The following LRRTM4 variants were observed in gnomAD, a reference collection of about 807,000 sequenced individuals.
LRRTM4 encodes the protein leucine-rich repeat transmembrane neuronal protein 4.
A neutral mutation model predicts 47.6 loss-of-function variants in LRRTM4; 25 were observed. The observed-to-expected ratio is 0.53, with a 90% CI of 0.38 to 0.73. The LOEUF is 0.73. Among genes scored for constraint, LRRTM4 ranks in the 30% least tolerant of loss-of-function variants. LRRTM4 has a pLI of 0.00. For synonymous variants in LRRTM4, 311 were observed against 269.5 expected (o/e 1.15, Z -1.51); for missense variants, 638 against 713.4 (o/e 0.89, Z 1.20).
intron 3 of LRRTM4, among the ~76,000 whole-genome samples, chr2:77,510,477 T>C (rs1318260940): frequency 6.6e-6 from 1 of 152,088 alleles, no homozygotes; most frequent in Non-Finnish European, 1.5e-5. Context: ...TAAACAACAA[T>C]TGTTATACTT....
At chr2:77,050,799 A>C (rs1385459558) in intron 3 of LRRTM4, among the ~76,000 whole-genome samples, 1 of 152,150 alleles carries the variant, frequency 6.6e-6, no homozygotes, top group Non-Finnish European at 1.5e-5. Flanking sequence ...ATTTCATAGG[A>C]TTGAGTATTA....
At chr2:77,364,224 G>A (rs1378430198) in intron 3 of LRRTM4, among the ~76,000 whole-genome samples, 1 of 151,884 alleles carries the variant, frequency 6.6e-6, no homozygotes, top group East Asian at 1.9e-4. Flanking sequence ...AGCAGGACAA[G>A]TGGCTTCTGA....
At position 77,040,538 on chromosome 2, in the gene LRRTM4, TA is replaced by T; in HGVS notation, c.1552-291623del. ...TGATAGCCCTACTCATAAGTGCTAG[TA>T]AACAGTAGGCTTCTCAGTAGAGCAA... is the stretch of plus-strand genomic sequence containing the variant. On this transcript the variant is annotated intron_variant, in intron 3 of 3. Transcript: ENST00000409884. Among the ~76,000 whole-genome samples the T allele has an allele frequency of 1.3e-5, 2 of 151,488 alleles. 1 individual carries two copies. Among genetic ancestry groups the T allele is most frequent in the Non-Finnish European group, 3.0e-5 (2 of 67,616 alleles).
intron 3 of LRRTM4, among the ~76,000 whole-genome samples, chr2:77,187,983 CTTT>C (rs1378026680): frequency 6.6e-6 from 1 of 151,996 alleles, no homozygotes; most frequent in Admixed American, 6.6e-5. Flanking sequence ...ATTTTGTTAT[CTTT>C]TTAAGTAGCT....
At chr2:77,321,561 G>GT (rs1677791407) in intron 3 of LRRTM4, among the ~76,000 whole-genome samples, 1 of 97,940 alleles carries the variant, frequency 1.0e-5, no homozygotes, top group South Asian at 4.1e-4. Context: ...GAGGGGGGGG[G>GT]GTGTGTGAAA....
chr2:76,844,676 T>C (rs921009583), intron 3 of LRRTM4, among the ~76,000 whole-genome samples: 1 of 152,186 alleles, frequency 6.6e-6, no homozygotes, highest in African/African-American at 2.4e-5. Flanking sequence ...TAAAAGCATG[T>C]GACCATACTT....
chr2:76,896,205 C>A (rs1267730203), intron 3 of LRRTM4, among the ~76,000 whole-genome samples: 2 of 151,662 alleles, frequency 1.3e-5, no homozygotes, highest in Non-Finnish European at 2.9e-5. Context: ...CTCCTATGCA[C>A]ACACACAAAC....
chr2:77,163,580 G>A (rs1228147405), intron 3 of LRRTM4, among the ~76,000 whole-genome samples: 1 of 152,184 alleles, frequency 6.6e-6, no homozygotes, highest in African/African-American at 2.4e-5. Context: ...CAGAGAAAAA[G>A]TTTGGGTTAC....
chr2:76,846,894 T>C (rs1028476718), intron 3 of LRRTM4, among the ~76,000 whole-genome samples: 36 of 149,398 alleles, frequency 2.4e-4, no homozygotes, highest in African/African-American at 8.9e-4. Flanking sequence ...TGTTAGAAAG[T>C]AAAAAGGTCA....
At position 77,304,327 on chromosome 2, in the gene LRRTM4, C is replaced by A. The variant is rs578096358; in HGVS notation, c.1551+213991G>T. The stretch of plus-strand genomic sequence containing the variant: ...TTCTTGCTATTGAATTGTTTGAATT[C>A]CTGATTTTGTTTGGATGTTAAGCCT... On this transcript the variant is annotated intron_variant, in intron 3 of 3. Transcript: ENST00000409884. Among the ~76,000 whole-genome samples, 3 of 152,066 alleles carry A rather than the reference C, an allele frequency of 2.0e-5. No homozygotes were observed. The South Asian group carries it at 6.2e-4, about 32-fold the overall frequency.
At chr2:76,788,388 C>T (rs960044375) in intron 3 of LRRTM4, among the ~76,000 whole-genome samples, 19 of 152,094 alleles carry the variant, frequency 1.2e-4, no homozygotes, top group African/African-American at 3.6e-4. Context: ...AGAATCAAGG[C>T]AAAGGCAGAG....
At chr2:77,079,010 T>C (rs1680439905) in intron 3 of LRRTM4, among the ~76,000 whole-genome samples, 1 of 152,108 alleles carries the variant, frequency 6.6e-6, no homozygotes, top group African/African-American at 2.4e-5. Flanking sequence ...TCAAATGCAT[T>C]CATATAAGGA....
intron 3 of LRRTM4, among the ~76,000 whole-genome samples, chr2:77,324,190 C>T (rs1670664927): frequency 6.6e-6 from 1 of 152,044 alleles, no homozygotes. Context: ...ATGTATTTGA[C>T]TTTATTGATA....
chr2:76,846,833 C>A (rs1052959678), intron 3 of LRRTM4, among the ~76,000 whole-genome samples: 1 of 152,014 alleles, frequency 6.6e-6, no homozygotes, highest in African/African-American at 2.4e-5. Context: ...ATGGATATAG[C>A]CCATTATCTG....
At chr2:77,138,362 C>T (rs935541793) in intron 3 of LRRTM4, among the ~76,000 whole-genome samples, 5 of 152,138 alleles carry the variant, frequency 3.3e-5, no homozygotes, top group Non-Finnish European at 7.4e-5. Flanking sequence ...AAACCTGCTC[C>T]TGAATGACTA....
chr2:76,994,285 A>G (rs1487307929), intron 3 of LRRTM4, among the ~76,000 whole-genome samples: 1 of 151,952 alleles, frequency 6.6e-6, no homozygotes, highest in African/African-American at 2.4e-5. Context: ...AATTATTTTA[A>G]AAATTATAAA....
intron 3 of LRRTM4, among the ~76,000 whole-genome samples, chr2:77,067,462 T>C (rs1679992972): frequency 6.6e-6 from 1 of 151,768 alleles, no homozygotes; most frequent in South Asian, 2.1e-4. Context: ...ACTCAGGCAG[T>C]GTGGGTGGGG....
intron 3 of LRRTM4, among the ~76,000 whole-genome samples, chr2:77,034,175 C>T (rs1434302661): frequency 6.6e-6 from 1 of 151,592 alleles, no homozygotes; most frequent in East Asian, 1.9e-4. Flanking sequence ...TTATAGAATC[C>T]ATTTCAAATT....
intron 3 of LRRTM4, among the ~76,000 whole-genome samples, chr2:77,189,549 T>G (rs1165850157): frequency 6.6e-6 from 1 of 152,008 alleles, no homozygotes; most frequent in East Asian, 1.9e-4. Context: ...AGGCTCTAGC[T>G]CTCTTTCTGT....
Sources: allele counts gnomAD v4.1 joint callset (sites outside exome capture counted in the v4.1 genomes callset), GRCh38; gene constraint gnomAD v4.1.1; transcripts MANE v1.5; gene names NCBI Gene and HGNC (gene_info 2026-07-23, HGNC 2026-07-21).